The following LRRC4C variants were observed in gnomAD, a reference collection of about 807,000 sequenced individuals.
The protein encoded by LRRC4C is leucine rich repeat containing 4C.
In LRRC4C, 5 loss-of-function variants were observed where a neutral mutation model predicts 33.6. That is an observed-to-expected ratio of 0.15 (90% CI 0.08 to 0.31). The LOEUF is 0.31. Ranked by LOEUF, LRRC4C falls within the 10% of genes least tolerant of loss-of-function variation. The pLI, the probability that LRRC4C is intolerant of heterozygous loss-of-function variation, is 1.00. For missense variants in LRRC4C, 560 were observed against 796.7 expected (o/e 0.70, Z 3.58); for synonymous variants, 329 against 302.0 (o/e 1.09, Z -0.93).
At chr11:40,318,612 T>C (rs1363108206) in intron 4 of LRRC4C, among the ~76,000 whole-genome samples, 1 of 152,148 alleles carries the variant, frequency 6.6e-6, no homozygotes, top group African/African-American at 2.4e-5. Flanking sequence ...TACCAATAAA[T>C]AAATCCATGT....
chr11:40,292,380 G>C (rs929980060), intron 4 of LRRC4C: 1 of 152,050 alleles, frequency 6.6e-6, no homozygotes, highest in Non-Finnish European at 1.5e-5. Flanking sequence ...TGCTCTGCTG[G>C]TTTCTCTCCC....
chr11:40,929,961 T>G (rs995739981), intron 2 of LRRC4C, among the ~76,000 whole-genome samples: 1 of 152,124 alleles, frequency 6.6e-6, no homozygotes, highest in African/African-American at 2.4e-5. Flanking sequence ...TGAAGCTAAT[T>G]TAGGAATAGC....
At chr11:40,558,172 C>A (rs559595546) in intron 3 of LRRC4C, among the ~76,000 whole-genome samples, 2 of 152,256 alleles carry the variant, frequency 1.3e-5, no homozygotes, top group South Asian at 4.1e-4. Context: ...AACTAAAGAG[C>A]ATACAATTTA....
intron 3 of LRRC4C, among the ~76,000 whole-genome samples, chr11:40,338,381 A>ATGAG (rs1946722797): frequency 6.6e-6 from 1 of 152,236 alleles, no homozygotes; most frequent in South Asian, 2.1e-4. Context: ...ATGACTCTCC[A>ATGAG]TGAGTTAAAA....
At chr11:41,232,180 A>G (rs1947832544) in intron 1 of LRRC4C, among the ~76,000 whole-genome samples, 1 of 151,910 alleles carries the variant, frequency 6.6e-6, no homozygotes, top group Non-Finnish European at 1.5e-5. Context: ...TAGCATCTCT[A>G]CCAGAAATAG....
chr11:41,244,861 A>C (rs566749658), intron 1 of LRRC4C, among the ~76,000 whole-genome samples: 2 of 152,284 alleles, frequency 1.3e-5, no homozygotes, highest in African/African-American at 4.8e-5. Context: ...AAGTAGACAA[A>C]TACTCACGAC....
intron 1 of LRRC4C, among the ~76,000 whole-genome samples, chr11:41,170,292 G>A (rs1944915192): frequency 6.6e-6 from 1 of 152,074 alleles, no homozygotes; most frequent in Admixed American, 6.6e-5. Context: ...AGCCCATATT[G>A]CCAAGTCAAT....
At chr11:41,369,845 A>G (rs1212720711) in intron 1 of LRRC4C, among the ~76,000 whole-genome samples, 3 of 152,170 alleles carry the variant, frequency 2.0e-5, no homozygotes, top group Non-Finnish European at 4.4e-5. Flanking sequence ...TCTGCGAATA[A>G]TGTGCAGGAT....
chr11:40,848,175 C>T (rs1223701429), intron 2 of LRRC4C, among the ~76,000 whole-genome samples: 1 of 151,298 alleles, frequency 6.6e-6, no homozygotes, highest in Non-Finnish European at 1.5e-5. Context: ...TTAGTTATTT[C>T]TTGTCTTCTG....
At chr11:40,875,778 GATGA>G (rs1386851611) in intron 2 of LRRC4C, among the ~76,000 whole-genome samples, 1 of 152,110 alleles carries the variant, frequency 6.6e-6, no homozygotes, top group Non-Finnish European at 1.5e-5. Flanking sequence ...ACGGTTTCGG[GATGA>G]CTCAAGAGCA....
chr11:41,094,809 A>G (rs1332447443), intron 1 of LRRC4C, among the ~76,000 whole-genome samples: 2 of 152,172 alleles, frequency 1.3e-5, no homozygotes, highest in Admixed American at 6.5e-5. Flanking sequence ...ATGCTCATCA[A>G]TATTTATTGA....
intron 3 of LRRC4C, among the ~76,000 whole-genome samples, chr11:40,534,978 C>A (rs539764449): frequency 4.6e-5 from 7 of 152,198 alleles, no homozygotes; most frequent in African/African-American, 1.4e-4. Context: ...AGGGTCTAAA[C>A]ATATGGTCCA....
chr11:40,779,823 G>A (rs1341638189), intron 2 of LRRC4C, among the ~76,000 whole-genome samples: 1 of 152,184 alleles, frequency 6.6e-6, no homozygotes, highest in Non-Finnish European at 1.5e-5. Flanking sequence ...TAATGAAACT[G>A]CTGCATTGTG....
intron 2 of LRRC4C, among the ~76,000 whole-genome samples, chr11:40,899,257 C>T (rs551177423): frequency 1.3e-5 from 2 of 152,264 alleles, no homozygotes; most frequent in South Asian, 4.1e-4. Context: ...ATCTACGATG[C>T]ATTTCTTGAA....
intron 2 of LRRC4C, among the ~76,000 whole-genome samples, chr11:40,788,025 C>A (rs1950486645): frequency 6.6e-6 from 1 of 152,104 alleles, no homozygotes; most frequent in African/African-American, 2.4e-5. Context: ...CATTTATTCC[C>A]CACAATTTAG....
chr11:41,280,111 G>A (rs1949615439), intron 1 of LRRC4C, among the ~76,000 whole-genome samples: 1 of 152,062 alleles, frequency 6.6e-6, no homozygotes, highest in Non-Finnish European at 1.5e-5. Context: ...AGCAAGAATT[G>A]TCTTTACTTC....
chr11:40,237,430 T>C (rs1459813053), intron 5 of LRRC4C, among the ~76,000 whole-genome samples: 2 of 152,226 alleles, frequency 1.3e-5, no homozygotes, highest in Non-Finnish European at 2.9e-5. Context: ...GACTTGGACC[T>C]CTGATTAGAA....
intron 3 of LRRC4C, among the ~76,000 whole-genome samples, chr11:40,483,820 CAT>C (rs761729569): frequency 4.0e-5 from 6 of 149,916 alleles, no homozygotes; most frequent in East Asian, 2.0e-4. Flanking sequence ...TATGTATATA[CAT>C]ATATATATAG....
At chr11:41,441,022 C>T (rs974692672) in intron 1 of LRRC4C, among the ~76,000 whole-genome samples, 4 of 152,102 alleles carry the variant, frequency 2.6e-5, no homozygotes, top group African/African-American at 9.7e-5. Context: ...AGAGCCAAGC[C>T]AGTCTTCTCA....
Sources: gnomAD v4.1 joint callset for allele counts (sites outside exome capture counted in the v4.1 genomes callset) on GRCh38, gnomAD v4.1.1 for gene constraint, MANE v1.5 for transcripts, NCBI Gene and HGNC (gene_info 2026-07-23, HGNC 2026-07-21) for gene names.